The following BHLHA9 variants were observed in gnomAD, a reference collection of about 807,000 sequenced individuals.
The protein encoded by BHLHA9 is class A basic helix-loop-helix protein 9.
For synonymous variants in BHLHA9, 177 were observed against 179.7 expected (o/e 0.98, Z 0.12); for missense variants, 344 against 365.9 (o/e 0.94, Z 0.49).
At position 1,271,387 on chromosome 17, in the gene BHLHA9, G is replaced by A; in HGVS notation, c.*116G>A. On this transcript the variant is annotated 3_prime_UTR_variant, in exon 1 of 1. Transcript: ENST00000391429. ...AGAACTGGACCGGCTGAGACCTGGC[G>A]TGGAAGAGAAGGAGCTCGCCAGAGA... 2.6e-6 allele frequency: 2 copies of A among 763,872 alleles called. No homozygotes were observed. The highest frequency in any genetic ancestry group is 3.6e-6 in the Non-Finnish European group (2 of 548,592). The allele number at this position is 763,872 out of a possible 1,614,324, so 47.3% of individuals were successfully genotyped here.
In BHLHA9 at chr17:1,270,900, C is replaced by A. The variant is rs1247558305; in HGVS notation, c.337C>A (p.Arg113Ser). Reference sequence around the variant, plus strand: ...CGCCACGCTGCGCAGGGCCATCCACCGCATCGCCGCGCTCTCCCTGGTCCT... The same window carrying A: ...CGCCACGCTGCGCAGGGCCATCCACAGCATCGCCGCGCTCTCCCTGGTCCT... ...KIATLRRAIH[R>S]IAALSLVLRA... The change falls in exon 1 of 1, where the codon CGC becomes AGC. Residue 113 changes from arginine (R) to serine (S), a missense_variant. Arg to Ser is a moderately radical substitution (Grantham distance 110). Transcript: ENST00000391429. 2.1e-6 allele frequency: 3 copies of A among 1,429,510 alleles called. No individual in the cohort carries two copies. Among genetic ancestry groups the A allele is most frequent in the Non-Finnish European group, 2.7e-6 (3 of 1,093,232 alleles). 88.6% of individuals were successfully genotyped at this position (1,429,510 alleles called of 1,614,324 possible). A position where few individuals can be genotyped will look rare whatever the true frequency, so the allele number is the denominator to read the frequency against.
In BHLHA9 at chr17:1,270,978, C is replaced by G; in HGVS notation, c.415C>G (p.Pro139Ala). 1.6e-6 allele frequency: 2 copies of G among 1,227,472 alleles called. No homozygotes were observed. The highest frequency in any genetic ancestry group is 2.0e-6 in the Non-Finnish European group (2 of 985,650). 76.0% of individuals were successfully genotyped at this position (1,227,472 alleles called of 1,614,324 possible). Residue 139 changes from proline (P) to alanine (A), a missense_variant, in exon 1 of 1, where the codon CCG becomes GCG. Transcript: ENST00000391429. ...GPCGHLECHG[P>A]AARGDTGDTG... ...CTGCGGACACCTGGAGTGCCACGGC[C>G]CGGCCGCGCGCGGGGACACCGGGGA...
In BHLHA9 at chr17:1,271,034, GC is replaced by G. The variant is rs1478377243; in HGVS notation, c.474del (p.Ser159AlafsTer39). 1.7e-6 allele frequency: 2 copies of G among 1,186,036 alleles called. No individual in the cohort carries two copies. The highest frequency in any genetic ancestry group is 3.2e-5 in the African/African-American group (2 of 62,076). 73.5% of individuals were successfully genotyped at this position (1,186,036 alleles called of 1,614,324 possible). On this transcript the variant is annotated frameshift_variant, in exon 1 of 1. Coordinates refer to ENST00000391429, the MANE Select transcript of BHLHA9 (RefSeq NM_001164405.2). LOFTEE classifies it low-confidence loss of function (END_TRUNC). ...GCGCCAGCCCCCCGCCGCCTGCAGG[GC>G]CCAGCCTCGCGCGCCCAGACGCCGC... ...TGASPPPPAG[P>X]SLARPDAARP...
In BHLHA9 at chr17:1,271,086, C is replaced by A; in HGVS notation, c.523C>A (p.Arg175Ser). The change falls in exon 1 of 1, where the codon CGC (arginine) becomes AGC (serine). Residue 175 changes from arginine to serine, a missense_variant. Arg to Ser is a moderately radical substitution (Grantham distance 110, BLOSUM62 -1). Coordinates refer to ENST00000391429, the MANE Select transcript of BHLHA9 (RefSeq NM_001164405.2). The stretch of plus-strand genomic sequence containing the variant: ...CCGCCCCTCGGTGCCGTCCGCGCCC[C>A]GCTGCGCCTCGTGCCCCCCGCACGC... The part of the protein sequence containing the change: ...AARPSVPSAP[R>S]CASCPPHAPL... 8.2e-7 allele frequency: 1 copy of A among 1,224,766 alleles called. No individual in the cohort carries two copies. Among genetic ancestry groups the A allele is most frequent in the East Asian group, 3.4e-5 (1 of 29,716 alleles). The allele number at this position is 1,224,766 out of a possible 1,614,324, so 75.9% of individuals were successfully genotyped here.
At position 1,270,492 on chromosome 17, in the gene BHLHA9, G is replaced by T; in HGVS notation, c.-72G>T. 1.1e-6 allele frequency: 1 copy of T among 910,282 alleles called. No homozygotes were observed. The highest frequency in any genetic ancestry group is 1.4e-6 in the Non-Finnish European group (1 of 690,446). 56.4% of individuals were successfully genotyped at this position (910,282 alleles called of 1,614,324 possible). ...GGGGACCGTCCGCGTCGCGAGCCGGGCCAAGGCAGTGGGCAGAGGGCAGAG... is the reference window on the plus strand; with the variant it reads ...GGGGACCGTCCGCGTCGCGAGCCGGTCCAAGGCAGTGGGCAGAGGGCAGAG... On this transcript the variant is annotated 5_prime_UTR_variant, in exon 1 of 1. Transcript: ENST00000391429.
Position 1,271,170 on chromosome 17 carries a change from G to A in BHLHA9, c.607G>A (p.Gly203Arg), listed in dbSNP as rs2071881005. Reference sequence around the variant, plus strand: ...GCCGGGCCTAGCACAGGCCTCCGGGGGAAGCTGGCGCCGCTGTCCGGGGGC... The same window carrying A: ...GCCGGGCCTAGCACAGGCCTCCGGGAGAAGCTGGCGCCGCTGTCCGGGGGC... Reference protein sequence around the residue: ...EGPGLAQASGGSWRRCPGASS... With the variant: ...EGPGLAQASGRSWRRCPGASS... The change falls in exon 1 of 1, where the codon GGA becomes AGA. Residue 203 changes from glycine (G) to arginine (R), a missense_variant. By Grantham distance (125) the Gly-to-Arg change is moderately radical. Coordinates refer to ENST00000391429, the MANE Select transcript of BHLHA9 (RefSeq NM_001164405.2). The A allele has an allele frequency of 2.4e-6, 3 of 1,242,664 alleles. No homozygotes were observed. Among genetic ancestry groups the A allele is most frequent in the Middle Eastern group, 3.1e-4 (1 of 3,220 alleles). 77.0% of individuals were successfully genotyped at this position (1,242,664 alleles called of 1,614,324 possible).
In BHLHA9 at chr17:1,270,444, G is replaced by C. The variant is rs1379691143; in HGVS notation, c.-120G>C. On this transcript the variant is annotated 5_prime_UTR_variant, in exon 1 of 1. Coordinates refer to ENST00000391429, the MANE Select transcript of BHLHA9 (RefSeq NM_001164405.2). ...AGCCCAGCTGGAAGGGGCCTGTCTC[G>C]GGAGTGTCCAGCCCCAGGAGCCGGG... 2 of 491,924 alleles carry C rather than the reference G, an allele frequency of 4.1e-6. No individual in the cohort carries two copies. The highest frequency in any genetic ancestry group is 6.4e-6 in the Non-Finnish European group (2 of 312,544). The allele number at this position is 491,924 out of a possible 1,614,324, so 30.5% of individuals were successfully genotyped here.
Position 1,271,270 on chromosome 17 carries a change from G to A in BHLHA9, c.707G>A (p.Ter236=). The part of the protein sequence containing the change: ...SAPGMGHPRS[*] ...CCCGGGATGGGCCATCCGCGCTCCT[G>A]ACCGGCCTCGAGGCACCGGCTGGGC... The change falls in exon 1 of 1, where the codon TGA becomes TAA. Residue 236 remains the stop codon, a stop_retained_variant. Coordinates refer to ENST00000391429, the MANE Select transcript of BHLHA9 (RefSeq NM_001164405.2). 8.0e-7 allele frequency: 1 copy of A among 1,250,076 alleles called. No homozygotes were observed. Among genetic ancestry groups the A allele is most frequent in the Non-Finnish European group, 1.0e-6 (1 of 989,614 alleles). The allele number at this position is 1,250,076 out of a possible 1,614,324, so 77.4% of individuals were successfully genotyped here.
rs2071876556 is a variant in BHLHA9, at chr17:1,270,820, A to G, written c.257A>G (p.Asn86Ser). ...ATCCTAGACTACAACGAGGCCTTCA[A>G]CGCGCTGCGCCGGGCGCTGCGGCAC... ...KRILDYNEAFNALRRALRHDL... is the reference protein window; with the variant it reads ...KRILDYNEAFSALRRALRHDL... Residue 86 changes from asparagine to serine, a missense_variant, in exon 1 of 1, where the codon AAC (asparagine) becomes AGC (serine). Asn to Ser is a conservative substitution (Grantham distance 46). Transcript: ENST00000391429. 1 of 1,476,162 alleles carries G rather than the reference A, an allele frequency of 6.8e-7. No homozygotes were observed. Among genetic ancestry groups the G allele is most frequent in the Non-Finnish European group, 8.9e-7 (1 of 1,119,210 alleles). The allele number at this position is 1,476,162 out of a possible 1,614,324, so 91.4% of individuals were successfully genotyped here. A position where few individuals can be genotyped will look rare whatever the true frequency, so the allele number is the denominator to read the frequency against.
Position 1,271,496 on chromosome 17 carries a change from C to G in BHLHA9, c.*225C>G, listed in dbSNP as rs2071883551. The G allele has an allele frequency of 2.5e-6, 1 of 403,106 alleles. No homozygotes were observed. The highest frequency in any genetic ancestry group is 2.1e-5 in the African/African-American group (1 of 48,284). The allele number at this position is 403,106 out of a possible 1,614,324, so 25.0% of individuals were successfully genotyped here. On this transcript the variant is annotated 3_prime_UTR_variant, in exon 1 of 1. Transcript: ENST00000391429. ...GAGCTCCGGGGCCTGGGGCTGCGCC[C>G]CCACATCCCAGCCTAGGGAGGCAGT...
rs2071876486 is a variant in BHLHA9 at position 1,270,813 on chromosome 17, G to A, written c.250G>A (p.Ala84Thr). ...ERKRILDYNEAFNALRRALRH... is the reference protein window; with the variant it reads ...ERKRILDYNETFNALRRALRH... ...CAAGCGCATCCTAGACTACAACGAG[G>A]CCTTCAACGCGCTGCGCCGGGCGCT... The change falls in exon 1 of 1, where the codon GCC becomes ACC. Residue 84 changes from alanine to threonine, a missense_variant. Transcript: ENST00000391429. The A allele has an allele frequency of 1.4e-6, 2 of 1,475,962 alleles. No homozygotes were observed. Among genetic ancestry groups the A allele is most frequent in the Non-Finnish European group, 1.8e-6 (2 of 1,118,942 alleles). The allele number at this position is 1,475,962 out of a possible 1,614,324, so 91.4% of individuals were successfully genotyped here.
At position 1,270,576 on chromosome 17, in the gene BHLHA9, G is replaced by A. The variant is rs2071873993; in HGVS notation, c.13G>A (p.Ala5Thr). 2 of 1,274,716 alleles carry A rather than the reference G, an allele frequency of 1.6e-6. No individual in the cohort carries two copies. The highest frequency in any genetic ancestry group is 1.5e-5 in the African/African-American group (1 of 64,532). The allele number at this position is 1,274,716 out of a possible 1,614,324, so 79.0% of individuals were successfully genotyped here. The change falls in exon 1 of 1, where the codon GCG (alanine) becomes ACG (threonine). Residue 5 changes from alanine (A) to threonine (T), a missense_variant. Transcript: ENST00000391429. ...GCCCGGGAAGGCCATGCTGCGGGGC[G>A]CGCCAGGACTAGGCCTCACGGCGCG... is the stretch of plus-strand genomic sequence containing the variant. Reference protein sequence around the residue: MLRGAPGLGLTARKG... With the variant: MLRGTPGLGLTARKG...
Position 1,271,055 on chromosome 17 carries a change from C to T in BHLHA9, c.492C>T (p.Asp164=). The change falls in exon 1 of 1, where the codon GAC becomes GAT. Residue 164 remains aspartate (D), a synonymous_variant. Coordinates refer to ENST00000391429, the MANE Select transcript of BHLHA9 (RefSeq NM_001164405.2). Reference sequence around the variant, plus strand: ...CAGGGCCCAGCCTCGCGCGCCCAGACGCCGCCCGCCCCTCGGTGCCGTCCG... The same window carrying T: ...CAGGGCCCAGCCTCGCGCGCCCAGATGCCGCCCGCCCCTCGGTGCCGTCCG... ...PPAGPSLARP[D]AARPSVPSAP... 8.4e-7 allele frequency: 1 copy of T among 1,186,072 alleles called. No individual in the cohort carries two copies. The highest frequency in any genetic ancestry group is 1.0e-6 in the Non-Finnish European group (1 of 960,986). The allele number at this position is 1,186,072 out of a possible 1,614,324, so 73.5% of individuals were successfully genotyped here.
rs779320481 is a variant in BHLHA9, at chr17:1,270,772, C to T, written c.209C>T (p.Ala70Val). The change falls in exon 1 of 1, where the codon GCC becomes GTC. Residue 70 changes from alanine (A) to valine (V), a missense_variant. By Grantham distance (64) the Ala-to-Val change is moderately conservative. Transcript: ENST00000391429. ...CGGTCCAAGGCGCGGCGCATGGCCG[C>T]CAACGTGCGGGAGCGCAAGCGCATC... The part of the protein sequence containing the change: ...PVRSKARRMA[A>V]NVRERKRILD... The T allele has an allele frequency of 6.8e-7, 1 of 1,462,392 alleles. No homozygotes were observed. Among genetic ancestry groups the T allele is most frequent in the South Asian group, 1.3e-5 (1 of 76,170 alleles). 90.6% of individuals were successfully genotyped at this position (1,462,392 alleles called of 1,614,324 possible). A position where few individuals can be genotyped will look rare whatever the true frequency, so the allele number is the denominator to read the frequency against.
rs1236841626 is a variant in BHLHA9 at position 1,270,982 on chromosome 17, C to G, written c.419C>G (p.Ala140Gly). 8.2e-7 allele frequency: 1 copy of G among 1,224,504 alleles called. No individual in the cohort carries two copies. The highest frequency in any genetic ancestry group is 3.3e-5 in the East Asian group (1 of 30,136). The allele number at this position is 1,224,504 out of a possible 1,614,324, so 75.9% of individuals were successfully genotyped here. A position where few individuals can be genotyped will look rare whatever the true frequency, so the allele number is the denominator to read the frequency against. Reference protein sequence around the residue: ...PCGHLECHGPAARGDTGDTGA... With the variant: ...PCGHLECHGPGARGDTGDTGA... ...GGACACCTGGAGTGCCACGGCCCGG[C>G]CGCGCGCGGGGACACCGGGGACACA... Residue 140 changes from alanine to glycine, a missense_variant, in exon 1 of 1, where the codon GCC (alanine) becomes GGC (glycine). Transcript: ENST00000391429.
At position 1,271,287 on chromosome 17, in the gene BHLHA9, C is replaced by T. The variant is rs1245000051; in HGVS notation, c.*16C>T. The T allele has an allele frequency of 4.0e-6, 5 of 1,244,764 alleles. No individual in the cohort carries two copies. The highest frequency in any genetic ancestry group is 5.1e-6 in the Non-Finnish European group (5 of 985,652). 77.1% of individuals were successfully genotyped at this position (1,244,764 alleles called of 1,614,324 possible). A position where few individuals can be genotyped will look rare whatever the true frequency, so the allele number is the denominator to read the frequency against. On this transcript the variant is annotated 3_prime_UTR_variant, in exon 1 of 1. Transcript: ENST00000391429. Reference sequence around the variant, plus strand: ...GCGCTCCTGACCGGCCTCGAGGCACCGGCTGGGCTGCAGGGAGGCCGGGCT... The same window carrying T: ...GCGCTCCTGACCGGCCTCGAGGCACTGGCTGGGCTGCAGGGAGGCCGGGCT...
chr17:1,270,567 C>A lies in BHLHA9; in HGVS notation c.4C>A (p.Leu2Met), dbSNP rs905249341. The A allele has an allele frequency of 1.4e-5, 18 of 1,273,500 alleles. No homozygotes were observed. Among genetic ancestry groups the A allele is most frequent in the South Asian group, 1.2e-4 (4 of 33,650 alleles). 78.9% of individuals were successfully genotyped at this position (1,273,500 alleles called of 1,614,324 possible). The change falls in exon 1 of 1, where the codon CTG becomes ATG. Residue 2 changes from leucine to methionine, a missense_variant. Coordinates refer to ENST00000391429, the MANE Select transcript of BHLHA9 (RefSeq NM_001164405.2). ...AGGGCGAGTGCCCGGGAAGGCCATG[C>A]TGCGGGGCGCGCCAGGACTAGGCCT... The part of the protein sequence containing the change: M[L>M]RGAPGLGLTA...
rs1309934102 is a variant in BHLHA9, at chr17:1,270,747, C to T, written c.184C>T (p.Arg62Trp). The T allele has an allele frequency of 3.5e-6, 5 of 1,415,490 alleles. No homozygotes were observed. The highest frequency in any genetic ancestry group is 1.5e-5 in the South Asian group (1 of 67,532). The allele number at this position is 1,415,490 out of a possible 1,614,324, so 87.7% of individuals were successfully genotyped here. The change falls in exon 1 of 1, where the codon CGG becomes TGG. Residue 62 changes from arginine to tryptophan, a missense_variant. Coordinates refer to ENST00000391429, the MANE Select transcript of BHLHA9 (RefSeq NM_001164405.2). ...PAGRRRARPVRSKARRMAANV... is the reference protein window; with the variant it reads ...PAGRRRARPVWSKARRMAANV... ...GGGCAGGAGGCGCGCGCGGCCGGTGCGGTCCAAGGCGCGGCGCATGGCCGC... is the reference window on the plus strand; with the variant it reads ...GGGCAGGAGGCGCGCGCGGCCGGTGTGGTCCAAGGCGCGGCGCATGGCCGC...
In BHLHA9 at chr17:1,271,227, G is replaced by C; in HGVS notation, c.664G>C (p.Gly222Arg). 1 of 1,254,538 alleles carries C rather than the reference G, an allele frequency of 8.0e-7. No individual in the cohort carries two copies. The highest frequency in any genetic ancestry group is 1.0e-6 in the Non-Finnish European group (1 of 992,972). The allele number at this position is 1,254,538 out of a possible 1,614,324, so 77.7% of individuals were successfully genotyped here. Reference sequence around the variant, plus strand: ...TGCCGGGCCGCCTCCCTGGCCGCGGGGCTACCTGCGATCCGCCCCCGGGAT... The same window carrying C: ...TGCCGGGCCGCCTCCCTGGCCGCGGCGCTACCTGCGATCCGCCCCCGGGAT... ...SSAGPPPWPR[G>R]YLRSAPGMGH... Residue 222 changes from glycine (G) to arginine (R), a missense_variant, in exon 1 of 1, where the codon GGC becomes CGC. Gly to Arg is a moderately radical substitution (Grantham distance 125). Transcript: ENST00000391429.
Sources: gnomAD v4.1 joint callset for allele counts on GRCh38, gnomAD v4.1.1 for gene constraint, MANE v1.5 for transcripts, NCBI Gene and HGNC (gene_info 2026-07-23, HGNC 2026-07-21) for gene names.